Variants in PAX5 observed in about 807,000 individuals in gnomAD.
The protein encoded by PAX5 is paired box protein Pax-5.
In PAX5, 9 loss-of-function variants were observed where a neutral mutation model predicts 43.7. The observed-to-expected ratio is 0.21, with a 90% CI of 0.12 to 0.36. The LOEUF (loss-of-function observed/expected upper bound fraction) is 0.36. Among genes scored for constraint, PAX5 ranks in the 10% least tolerant of loss-of-function variants. PAX5 has a pLI of 1.00. For missense variants in PAX5, 383 were observed against 532.7 expected (o/e 0.72, Z 2.77); for synonymous variants, 228 against 214.3 (o/e 1.06, Z -0.56).
Position 36,944,377 on chromosome 9 carries a change from C to T in PAX5, c.781-20893G>A, listed in dbSNP as rs772905206. ...ACTTAGCAAGGGCAAATAACCTGCCCGAATCGTGCAGCTGGTAGGTGATGG... is the reference window on the plus strand; with the variant it reads ...ACTTAGCAAGGGCAAATAACCTGCCTGAATCGTGCAGCTGGTAGGTGATGG... On this transcript the variant is annotated intron_variant, in intron 6 of 9. Coordinates refer to ENST00000358127, the MANE Select transcript of PAX5 (RefSeq NM_016734.3). 1.2e-4 allele frequency among the ~76,000 whole-genome samples: 18 copies of T among 152,188 alleles called. No individual in the cohort carries two copies. The Middle Eastern group carries it at 0.01, about 86-fold the overall frequency.
intron 6 of PAX5, among the ~76,000 whole-genome samples, chr9:36,927,791 C>A (rs1830773551): frequency 6.6e-6 from 1 of 151,884 alleles, no homozygotes. Flanking sequence ...TCACTGCAAC[C>A]TCCGCCCCCC....
At chr9:36,863,528 C>T (rs935893354) in intron 8 of PAX5, among the ~76,000 whole-genome samples, 3 of 152,214 alleles carry the variant, frequency 2.0e-5, no homozygotes, top group Non-Finnish European at 4.4e-5. Flanking sequence ...AATGCAGAAG[C>T]CGAGGCCCAG....
At chr9:36,950,357 T>C (rs1207669724) in intron 6 of PAX5, among the ~76,000 whole-genome samples, 1 of 152,236 alleles carries the variant, frequency 6.6e-6, no homozygotes, top group Non-Finnish European at 1.5e-5. Flanking sequence ...AACAAATTCA[T>C]CTTTTCTCCA....
intron 5 of PAX5, among the ~76,000 whole-genome samples, chr9:36,997,480 G>T (rs1231608340): frequency 6.6e-6 from 1 of 152,198 alleles, no homozygotes; most frequent in Middle Eastern, 3.2e-3. Context: ...GAGATCAAAA[G>T]CCCAGGAAGG....
chr9:37,028,357 C>T (rs1367545689), intron 1 of PAX5, among the ~76,000 whole-genome samples: 3 of 152,224 alleles, frequency 2.0e-5, no homozygotes, highest in Non-Finnish European at 4.4e-5. Flanking sequence ...TACTAAACCA[C>T]CACTGGCTCC....
intron 8 of PAX5, among the ~76,000 whole-genome samples, chr9:36,858,069 T>TC (rs896012613): frequency 8.5e-5 from 13 of 152,228 alleles, no homozygotes; most frequent in Non-Finnish European, 1.3e-4. Context: ...CGAAGAAGTC[T>TC]CCTGAATCTC....
chr9:36,912,194 C>A (rs1257396786), intron 7 of PAX5, among the ~76,000 whole-genome samples: 2 of 152,210 alleles, frequency 1.3e-5, no homozygotes, highest in African/African-American at 4.8e-5. Context: ...GTCTTATGCC[C>A]CCAGGGCAGA....
intron 6 of PAX5, among the ~76,000 whole-genome samples, chr9:36,966,336 C>A (rs1834432975): frequency 6.6e-6 from 1 of 152,224 alleles, no homozygotes; most frequent in African/African-American, 2.4e-5. Flanking sequence ...GACAGAGGCA[C>A]CAGGGCAAGA....
chr9:36,909,918 C>T (rs1418225100), intron 7 of PAX5, among the ~76,000 whole-genome samples: 7 of 144,296 alleles, frequency 4.9e-5, no homozygotes, highest in African/African-American at 1.8e-4. Flanking sequence ...ACCTCCTGGG[C>T]TCAGGTGATC....
At position 37,020,708 on chromosome 9, in the gene PAX5, T is replaced by C. The variant is rs774147019; in HGVS notation, c.140A>G (p.Gln47Arg). The C allele has an allele frequency of 6.2e-7, 1 of 1,614,166 alleles. No homozygotes were observed. The highest frequency in any genetic ancestry group is 1.1e-5 in the South Asian group (1 of 91,072). The change falls in exon 2 of 10, where the codon CAA (glutamine) becomes CGA (arginine). Residue 47 changes from glutamine (Q) to arginine (R), a missense_variant. This residue lies in a region of PAX5 where 54 missense variants were observed against 68.6 expected (regional missense o/e 0.79). Transcript: ENST00000358127. ...VRQRIVELAH[Q>R]GVRPCDISRQ... The stretch of plus-strand genomic sequence containing the variant: ...GGAGATGTCGCAGGGCCTGACACCT[T>C]GATGAGCAAGTTCCACTATCCTCTG...
chr9:36,922,761 C>T (rs1830278214), intron 7 of PAX5: 4 of 153,044 alleles, frequency 2.6e-5, no homozygotes, highest in Admixed American at 2.6e-4. Context: ...AGAACGCATA[C>T]ATGACTCACC....
At chr9:36,863,715 T>G (rs1417940252) in intron 8 of PAX5, among the ~76,000 whole-genome samples, 1 of 141,532 alleles carries the variant, frequency 7.1e-6, no homozygotes, top group African/African-American at 2.8e-5. Flanking sequence ...CACTTCCTAC[T>G]CTGTGAAATG....
At chr9:36,935,712 C>T (rs1438246090) in intron 6 of PAX5, among the ~76,000 whole-genome samples, 3 of 152,234 alleles carry the variant, frequency 2.0e-5, no homozygotes, top group East Asian at 1.9e-4. Context: ...GTGCTGTAGG[C>T]TGATCTTTAC....
chr9:36,988,697 G>A (rs1339215090), intron 5 of PAX5, among the ~76,000 whole-genome samples: 2 of 146,898 alleles, frequency 1.4e-5, no homozygotes, highest in Non-Finnish European at 1.5e-5. Flanking sequence ...GAGAGAGAGA[G>A]AGAGAAAACA....
intron 1 of PAX5, among the ~76,000 whole-genome samples, chr9:37,025,606 T>C (rs1324233786): frequency 6.6e-6 from 1 of 152,172 alleles, no homozygotes; most frequent in South Asian, 2.1e-4. Context: ...ACTTGGAATT[T>C]CCTTGAAATC....
intron 6 of PAX5, among the ~76,000 whole-genome samples, chr9:36,957,153 T>G (rs1308513957): frequency 6.6e-6 from 1 of 152,196 alleles, no homozygotes; most frequent in East Asian, 1.9e-4. Flanking sequence ...CAGAAGCCCT[T>G]CTCTGGATCT....
intron 5 of PAX5, among the ~76,000 whole-genome samples, chr9:36,974,810 G>A (rs537622580): frequency 5.3e-5 from 8 of 152,140 alleles, no homozygotes; most frequent in South Asian, 4.2e-4. Context: ...AAGGCTCCCC[G>A]GGGACAAAGC....
intron 5 of PAX5, among the ~76,000 whole-genome samples, chr9:36,996,547 C>T (rs1461132965): frequency 6.6e-6 from 1 of 152,240 alleles, no homozygotes; most frequent in Admixed American, 6.5e-5. Context: ...ACATACCCAT[C>T]CCTTCTGGGA....
At position 37,014,631 on chromosome 9, in the gene PAX5, G is replaced by A. The variant is rs138059235; in HGVS notation, c.410+366C>T. On this transcript the variant is annotated intron_variant, in intron 3 of 9. Transcript: ENST00000358127. ...AGATGGGCCAGTGCTAAGACCTTGAGCCTAGGTTTGCAGGGACAGCGACAT... is the reference window on the plus strand; with the variant it reads ...AGATGGGCCAGTGCTAAGACCTTGAACCTAGGTTTGCAGGGACAGCGACAT... Among the ~76,000 whole-genome samples, 1,047 of 152,318 alleles carry A rather than the reference G, an allele frequency of 6.9e-3. 23 individuals are homozygous for A. Among genetic ancestry groups the A allele is most frequent in the Admixed American group, 0.044 (680 of 15,296 alleles).
Sources: gnomAD v4.1 joint callset for allele counts (sites outside exome capture counted in the v4.1 genomes callset) on GRCh38, gnomAD v4.1.1 for gene constraint, gnomAD v4.1.1 regional missense constraint, MANE v1.5 for transcripts, NCBI Gene and HGNC (gene_info 2026-07-23, HGNC 2026-07-21) for gene names.